The following LTBP1 variants were observed in gnomAD, a reference collection of about 807,000 sequenced individuals.
LTBP1 encodes latent transforming growth factor beta binding protein 1.
LTBP1 carries 129 observed loss-of-function variants against 207.6 expected under a neutral mutation model. That is an observed-to-expected ratio of 0.62 (90% confidence interval 0.54 to 0.72). The LOEUF (loss-of-function observed/expected upper bound fraction) is 0.72, where lower values mean the gene tolerates loss of function less well. Ranked by LOEUF, LTBP1 falls within the 30% of genes least tolerant of loss-of-function variation. The pLI is 0.00. For missense variants in LTBP1, 2,281 were observed against 2,217.2 expected, an observed-to-expected ratio of 1.03 and a Z score of -0.58; for synonymous variants, 963 against 833.7, an observed-to-expected ratio of 1.16 and a Z score of -2.67.
chr2:33,058,619 C>A (rs149582290), intron 3 of LTBP1, among the ~76,000 whole-genome samples: 1 of 152,206 alleles, frequency 6.6e-6, no homozygotes, highest in Non-Finnish European at 1.5e-5. Flanking sequence ...TGTGTATTAT[C>A]TTACATTTGT....
Position 33,211,966 on chromosome 2 carries a change from T to C in LTBP1, c.1702-5586T>C, listed in dbSNP as rs142189610. Among the ~76,000 whole-genome samples the C allele has an allele frequency of 4.6e-3, 702 of 152,344 alleles. 5 individuals are homozygous for C. Among genetic ancestry groups the C allele is most frequent in the African/African-American group, 0.016 (668 of 41,578 alleles). ...TTACCTCAAAAATGAGATTAAAGTC[T>C]GAAGATATGTGTTCCCAGTCAGGCC... On this transcript the variant is annotated intron_variant, in intron 7 of 33. Coordinates refer to ENST00000404816, the MANE Select transcript of LTBP1 (RefSeq NM_206943.4).
intron 2 of LTBP1, among the ~76,000 whole-genome samples, chr2:32,973,689 ATTCT>A (rs1409885508): frequency 6.6e-6 from 1 of 152,014 alleles, no homozygotes; most frequent in African/African-American, 2.4e-5. Flanking sequence ...GGTCTTATTC[ATTCT>A]TTCTATTTTT....
intron 7 of LTBP1, among the ~76,000 whole-genome samples, chr2:33,206,600 C>T (rs2089900818): frequency 1.3e-5 from 2 of 151,906 alleles, no homozygotes; most frequent in South Asian, 2.1e-4. Flanking sequence ...ACTAGCCGGG[C>T]GTGGTGGCAG....
chr2:33,380,382 G>T (rs1420131095), intron 31 of LTBP1, among the ~76,000 whole-genome samples: 1 of 149,228 alleles, frequency 6.7e-6, no homozygotes, highest in Non-Finnish European at 1.5e-5. Context: ...TTTGAGACCA[G>T]CCTGGCCAAC....
At chr2:33,055,573 C>T (rs1025598092) in intron 3 of LTBP1, among the ~76,000 whole-genome samples, 4 of 152,146 alleles carry the variant, frequency 2.6e-5, no homozygotes, top group Non-Finnish European at 5.9e-5. Context: ...ACTAAGATAC[C>T]AGGTGTCTCC....
At chr2:33,368,266 G>A (rs750392778) in intron 31 of LTBP1, among the ~76,000 whole-genome samples, 1 of 152,076 alleles carries the variant, frequency 6.6e-6, no homozygotes, top group Non-Finnish European at 1.5e-5. Flanking sequence ...ATGGAAAACA[G>A]TATGGAGATT....
intron 32 of LTBP1, among the ~76,000 whole-genome samples, chr2:33,396,906 A>G (rs1300858384): frequency 6.6e-6 from 1 of 152,232 alleles, no homozygotes. Context: ...AACATAGAAT[A>G]TCAGAATTCA....
At chr2:33,295,543 A>G (rs535047241) in intron 20 of LTBP1, among the ~76,000 whole-genome samples, 48 of 151,318 alleles carry the variant, frequency 3.2e-4, no homozygotes, top group African/African-American at 9.9e-4. Flanking sequence ...CAATGATGAT[A>G]ATAATAATAA....
At chr2:33,016,870 A>G (rs112564538) in intron 2 of LTBP1, among the ~76,000 whole-genome samples, 6,018 of 152,210 alleles carry the variant, frequency 0.04, 197 homozygotes, top group Non-Finnish European at 0.067. Context: ...TAAAAATACA[A>G]AAATTAGCTG....
chr2:33,327,021 A>G (rs546012481), intron 24 of LTBP1, among the ~76,000 whole-genome samples: 16 of 152,266 alleles, frequency 1.1e-4, no homozygotes, highest in African/African-American at 2.9e-4. Flanking sequence ...TTAAAAATGC[A>G]TTTTAGATTT....
intron 31 of LTBP1, among the ~76,000 whole-genome samples, chr2:33,375,648 C>T (rs2095129003): frequency 6.6e-6 from 1 of 152,058 alleles, no homozygotes; most frequent in African/African-American, 2.4e-5. Flanking sequence ...CTGCCTCAGC[C>T]TCCTGAGTAG....
chr2:33,390,898 C>T (rs1214488519), intron 32 of LTBP1, among the ~76,000 whole-genome samples: 2 of 152,006 alleles, frequency 1.3e-5, no homozygotes, highest in East Asian at 1.9e-4. Flanking sequence ...CACCTGTGCA[C>T]GAAGCGTCCT....
rs187996237 is a variant in LTBP1, at chr2:33,004,484, T to A, written c.566-16425T>A. Among the ~76,000 whole-genome samples the A allele has an allele frequency of 1.2e-3, 184 of 152,102 alleles. 1 individual carries two copies. Among genetic ancestry groups the A allele is most frequent in the Middle Eastern group, 6.8e-3 (2 of 294 alleles). ...TAACGTATATAAGTCAATTTTTTTG[T>A]ATATTATTTTAAAAATTATGGTAAA... On this transcript the variant is annotated intron_variant, in intron 2 of 33. Coordinates refer to ENST00000404816, the MANE Select transcript of LTBP1 (RefSeq NM_206943.4).
At chr2:33,169,317 T>C (rs1272014035) in intron 5 of LTBP1, among the ~76,000 whole-genome samples, 1 of 152,242 alleles carries the variant, frequency 6.6e-6, no homozygotes, top group Non-Finnish European at 1.5e-5. Context: ...TATATTTTTC[T>C]TTTCCAGCAC....
chr2:33,208,280 T>C (rs1481119155), intron 7 of LTBP1, among the ~76,000 whole-genome samples: 1 of 152,212 alleles, frequency 6.6e-6, no homozygotes, highest in Admixed American at 6.5e-5. Flanking sequence ...GACTTTATAA[T>C]GGTCACAGCC....
intron 19 of LTBP1, among the ~76,000 whole-genome samples, chr2:33,280,448 G>A (rs185725591): frequency 4.6e-5 from 7 of 152,278 alleles, no homozygotes; most frequent in African/African-American, 1.7e-4. Context: ...CAGGAAGGAA[G>A]AGAGATGGAG....
chr2:32,954,476 G>T (rs1248033311), intron 2 of LTBP1, among the ~76,000 whole-genome samples: 1 of 151,860 alleles, frequency 6.6e-6, no homozygotes, highest in African/African-American at 2.4e-5. Context: ...TTGTGTGTGT[G>T]TCTGTCTCTG....
intron 4 of LTBP1, among the ~76,000 whole-genome samples, chr2:33,121,013 A>G (rs979079630): frequency 3.3e-5 from 5 of 152,168 alleles, no homozygotes; most frequent in South Asian, 2.1e-4. Flanking sequence ...AGTAAATATA[A>G]TTCGCATGGA....
intron 7 of LTBP1, among the ~76,000 whole-genome samples, chr2:33,193,388 C>T (rs189460653): frequency 2.6e-5 from 4 of 152,244 alleles, no homozygotes; most frequent in East Asian, 1.9e-4. Flanking sequence ...GTGATCCACC[C>T]GCCTTGGCCT....
Sources: gnomAD v4.1 joint callset for allele counts (sites outside exome capture counted in the v4.1 genomes callset) on GRCh38, gnomAD v4.1.1 for gene constraint, MANE v1.5 for transcripts, NCBI Gene and HGNC (gene_info 2026-07-23, HGNC 2026-07-21) for gene names.